Variants in ANKS1B observed in about 807,000 individuals in gnomAD.
The protein encoded by ANKS1B is ankyrin repeat and sterile alpha motif domain-containing protein 1B.
ANKS1B carries 36 observed loss-of-function variants against 148.3 expected under a neutral mutation model. That is an observed-to-expected ratio of 0.24 (90% CI 0.19 to 0.32). The LOEUF (loss-of-function observed/expected upper bound fraction) is 0.32, where lower values mean the gene tolerates loss of function less well. ANKS1B is among the 10% of genes least tolerant of loss of function. The pLI is 1.00. For missense variants in ANKS1B, 1,157 were observed against 1,542.6 expected (o/e 0.75, Z 4.19); for synonymous variants, 542 against 560.8 (o/e 0.97, Z 0.47).
At chr12:99,839,742 G>A (rs2085410265) in intron 1 of ANKS1B, among the ~76,000 whole-genome samples, 1 of 152,112 alleles carries the variant, frequency 6.6e-6, no homozygotes, top group Admixed American at 6.6e-5. Flanking sequence ...AAGGTACAGA[G>A]TAGTGAAGTA....
intron 17 of ANKS1B, among the ~76,000 whole-genome samples, chr12:98,884,147 T>G (rs1380944422): frequency 6.6e-6 from 1 of 152,212 alleles, no homozygotes; most frequent in Non-Finnish European, 1.5e-5. Context: ...GGCTAATAGC[T>G]AAACGCAAGT....
chr12:99,394,579 T>C (rs1307994100), intron 12 of ANKS1B, among the ~76,000 whole-genome samples: 1 of 151,984 alleles, frequency 6.6e-6, no homozygotes, highest in African/African-American at 2.4e-5. Context: ...TTAGTCCTCA[T>C]CCTACTTAAC....
chr12:99,637,284 A>G (rs954151731), intron 9 of ANKS1B, among the ~76,000 whole-genome samples: 3 of 152,208 alleles, frequency 2.0e-5, no homozygotes, highest in African/African-American at 7.2e-5. Context: ...CAGCTTGGGC[A>G]GCAAAGTGAG....
chr12:99,721,820 G>A (rs1313936195), intron 8 of ANKS1B, among the ~76,000 whole-genome samples: 1 of 152,206 alleles, frequency 6.6e-6, no homozygotes, highest in East Asian at 1.9e-4. Context: ...AATGCATTAT[G>A]TAAGAAATAC....
intron 1 of ANKS1B, among the ~76,000 whole-genome samples, chr12:99,851,567 G>A (rs1261328626): frequency 6.6e-6 from 1 of 152,012 alleles, no homozygotes; most frequent in South Asian, 2.1e-4. Context: ...ATATCCTTGA[G>A]GTTATTTGAG....
At chr12:99,102,799 A>C (rs918500822) in intron 15 of ANKS1B, among the ~76,000 whole-genome samples, 5 of 152,018 alleles carry the variant, frequency 3.3e-5, no homozygotes, top group African/African-American at 1.2e-4. Context: ...GGTGGTTCAC[A>C]CTGTAGTGGT....
chr12:98,836,755 T>C (rs2099365790), intron 17 of ANKS1B, among the ~76,000 whole-genome samples: 1 of 152,188 alleles, frequency 6.6e-6, no homozygotes, highest in Non-Finnish European at 1.5e-5. Flanking sequence ...TAAAGTTAAC[T>C]GTTCAGACAA....
chr12:99,076,625 A>T (rs1369828240), intron 16 of ANKS1B, among the ~76,000 whole-genome samples: 1 of 152,152 alleles, frequency 6.6e-6, no homozygotes, highest in African/African-American at 2.4e-5. Flanking sequence ...TTAATTATAC[A>T]CATTTCTCTG....
At chr12:99,679,525 G>A (rs1238618219) in intron 8 of ANKS1B, among the ~76,000 whole-genome samples, 1 of 151,998 alleles carries the variant, frequency 6.6e-6, no homozygotes, top group Non-Finnish European at 1.5e-5. Flanking sequence ...GCCCAGGCTG[G>A]TCTCAAACTC....
At chr12:99,675,543 T>C (rs2098558835) in intron 8 of ANKS1B, among the ~76,000 whole-genome samples, 1 of 151,882 alleles carries the variant, frequency 6.6e-6, no homozygotes, top group South Asian at 2.1e-4. Context: ...AATAATGGCC[T>C]ATTTAAATTT....
chr12:99,843,703 G>T (rs1603290872), intron 1 of ANKS1B, among the ~76,000 whole-genome samples: 1 of 152,010 alleles, frequency 6.6e-6, no homozygotes, highest in Non-Finnish European at 1.5e-5. Flanking sequence ...TGTGAATGAT[G>T]CTGCAATGAA....
At chr12:99,150,540 A>G (rs1357896028) in intron 15 of ANKS1B, among the ~76,000 whole-genome samples, 1 of 152,140 alleles carries the variant, frequency 6.6e-6, no homozygotes, top group African/African-American at 2.4e-5. Flanking sequence ...TCTGTCCAGG[A>G]GGAGCGGGTA....
At chr12:99,959,794 A>G (rs1258725929) in intron 1 of ANKS1B, among the ~76,000 whole-genome samples, 2 of 152,248 alleles carry the variant, frequency 1.3e-5, no homozygotes, top group Non-Finnish European at 2.9e-5. Flanking sequence ...AGAAATTTCT[A>G]AAACCCCAAG....
At chr12:98,874,254 T>C (rs975458585) in intron 17 of ANKS1B, among the ~76,000 whole-genome samples, 1 of 151,718 alleles carries the variant, frequency 6.6e-6, no homozygotes, top group South Asian at 2.1e-4. Flanking sequence ...TCTGTTAACA[T>C]CTAGAGGGAA....
chr12:98,962,900 A>G (rs190979464), intron 17 of ANKS1B, among the ~76,000 whole-genome samples: 104 of 152,346 alleles, frequency 6.8e-4, no homozygotes, highest in African/African-American at 2.4e-3. Flanking sequence ...GAAGCAGGTA[A>G]TAATGGAAAC....
chr12:98,819,067 T>C (rs1295842481), intron 19 of ANKS1B, among the ~76,000 whole-genome samples: 1 of 152,212 alleles, frequency 6.6e-6, no homozygotes, highest in Non-Finnish European at 1.5e-5. Flanking sequence ...TTTGTTGTTT[T>C]GAGGTAAGAT....
At chr12:99,810,016 T>C (rs1489126218) in intron 3 of ANKS1B, among the ~76,000 whole-genome samples, 1 of 152,014 alleles carries the variant, frequency 6.6e-6, no homozygotes, top group Admixed American at 6.6e-5. Flanking sequence ...GGATGAAGTA[T>C]TTTGCACAAT....
At chr12:98,792,339 T>C (rs1256413248) in intron 22 of ANKS1B, among the ~76,000 whole-genome samples, 1 of 152,206 alleles carries the variant, frequency 6.6e-6, no homozygotes, top group Non-Finnish European at 1.5e-5. Flanking sequence ...ATAATAACTG[T>C]ACATATTCAT....
intron 22 of ANKS1B, among the ~76,000 whole-genome samples, chr12:98,794,189 C>T (rs554058172): frequency 3.3e-5 from 5 of 151,936 alleles, no homozygotes; most frequent in East Asian, 1.9e-4. Context: ...GCCAGGAGTT[C>T]GAGACCAGCC....
Sources: allele counts gnomAD v4.1 joint callset (sites outside exome capture counted in the v4.1 genomes callset), GRCh38; gene constraint gnomAD v4.1.1; transcripts MANE v1.5; gene names NCBI Gene and HGNC (gene_info 2026-07-23, HGNC 2026-07-21).